GPRC5B: variants seen among roughly 807,000 people sequenced by gnomAD.
GPRC5B encodes the protein G protein-coupled receptor class C group 5 member B, also known as G protein-coupled receptor family C group 5 member B.
GPRC5B carries 16 observed loss-of-function variants against 30.1 expected under a neutral mutation model. The observed-to-expected ratio is 0.53, with a 90% CI of 0.36 to 0.81. The LOEUF is 0.81. Among genes scored for constraint, GPRC5B ranks in the 30% least tolerant of loss-of-function variants. The pLI is 0.01. For synonymous variants in GPRC5B, 241 were observed against 239.5 expected (o/e 1.01, Z -0.06); for missense variants, 428 against 544.7 (o/e 0.79, Z 2.13).
At chr16:19,869,333 C>CAA (rs35252104) in intron 2 of GPRC5B, among the ~76,000 whole-genome samples, 2,750 of 61,900 alleles carry the variant, frequency 0.044, 153 homozygotes, top group African/African-American at 0.16. Context: ...GACTCTGCCT[C>CAA]AAAAAAAAAA....
Position 19,858,337 on chromosome 16 carries a change from C to T in GPRC5B, c.*2163G>A, listed in dbSNP as rs890946000. 2.3e-6 allele frequency: 1 copy of T among 442,036 alleles called. No homozygotes were observed. Among genetic ancestry groups the T allele is most frequent in the Non-Finnish European group, 4.0e-6 (1 of 249,692 alleles). 27.4% of individuals were successfully genotyped at this position (442,036 alleles called of 1,614,324 possible). ...CAGATTTAAAAGGGGGGAAAAAGGTCTCATTAAATGAGGCTTCCCATGGCT... is the reference window on the plus strand; with the variant it reads ...CAGATTTAAAAGGGGGGAAAAAGGTTTCATTAAATGAGGCTTCCCATGGCT... On this transcript the variant is annotated 3_prime_UTR_variant, in exon 4 of 4. Transcript: ENST00000300571.
chr16:19,883,725 A>C (rs1597638199), intron 1 of GPRC5B, among the ~76,000 whole-genome samples: 2 of 152,254 alleles, frequency 1.3e-5, no homozygotes, highest in Admixed American at 1.3e-4. Context: ...TCCGCGCTCC[A>C]AGGAGCCGCC....
At position 19,857,298 on chromosome 16, in the gene GPRC5B, G is replaced by C. The variant is rs2056574169; in HGVS notation, c.*3202C>G. ...TTTGACAAGCTACCACACGTCTTAA[G>C]TAAATAGTAAAGCCTTTATTTTTGT... On this transcript the variant is annotated 3_prime_UTR_variant, in exon 4 of 4. Coordinates refer to ENST00000300571, the MANE Select transcript of GPRC5B (RefSeq NM_016235.3). 8.4e-6 allele frequency: 3 copies of C among 356,812 alleles called. No individual in the cohort carries two copies. The highest frequency in any genetic ancestry group is 6.6e-5 in the South Asian group (3 of 45,410). 22.1% of individuals were successfully genotyped at this position (356,812 alleles called of 1,614,324 possible).
chr16:19,867,903 A>G (rs2056679880), intron 2 of GPRC5B, among the ~76,000 whole-genome samples: 1 of 151,786 alleles, frequency 6.6e-6, no homozygotes, highest in Non-Finnish European at 1.5e-5. Flanking sequence ...TACAAAAATT[A>G]GCCGGGTGTG....
rs918943315 is a variant in GPRC5B at position 19,858,210 on chromosome 16, C to T, written c.*2290G>A. 2 of 331,620 alleles carry T rather than the reference C, an allele frequency of 6.0e-6. No individual in the cohort carries two copies. The highest frequency in any genetic ancestry group is 4.2e-5 in the African/African-American group (2 of 47,300). 20.5% of individuals were successfully genotyped at this position (331,620 alleles called of 1,614,324 possible). On this transcript the variant is annotated 3_prime_UTR_variant, in exon 4 of 4. Transcript: ENST00000300571. The stretch of plus-strand genomic sequence containing the variant: ...CATTAGAAAAAGAACAGCTCTCTCC[C>T]TTCTCCTCTCACTCCCGCCTCCGCC...
chr16:19,884,150 A>G (rs1421404657), intron 1 of GPRC5B, among the ~76,000 whole-genome samples: 1 of 66,738 alleles, frequency 1.5e-5, no homozygotes, highest in African/African-American at 5.7e-5. Context: ...TCCCCAGCCC[A>G]GGTCTCAGCT....
Position 19,857,357 on chromosome 16 carries a change from T to C in GPRC5B, c.*3143A>G. On this transcript the variant is annotated 3_prime_UTR_variant, in exon 4 of 4. Transcript: ENST00000300571. ...CAGCATTTTGAAAATAAAACCTATCTGCCCATGGTTTACAGCCTTTTAAAT... is the reference window on the plus strand; with the variant it reads ...CAGCATTTTGAAAATAAAACCTATCCGCCCATGGTTTACAGCCTTTTAAAT... 1 of 401,038 alleles carries C rather than the reference T, an allele frequency of 2.5e-6. No individual in the cohort carries two copies. The allele number at this position is 401,038 out of a possible 1,614,324, so 24.8% of individuals were successfully genotyped here.
At chr16:19,882,953 CTT>C (rs2056818450) in intron 1 of GPRC5B, among the ~76,000 whole-genome samples, 1 of 152,178 alleles carries the variant, frequency 6.6e-6, no homozygotes, top group African/African-American at 2.4e-5. Context: ...GAGGGCCCCT[CTT>C]CTAGCTGGGC....
Position 19,872,467 on chromosome 16 carries a change from A to T in GPRC5B, c.379T>A (p.Phe127Ile). 2 of 1,614,006 alleles carry T rather than the reference A, an allele frequency of 1.2e-6. No individual in the cohort carries two copies. Among genetic ancestry groups the T allele is most frequent in the Non-Finnish European group, 1.7e-6 (2 of 1,179,920 alleles). ...EDETICSVRR[F>I]LWGVLFALCF... Reference sequence around the variant, plus strand: ...AGCGCAAAGAGGACGCCCCAGAGGAAGCGGCGGACAGAGCAGATGGTCTCG... The same window carrying T: ...AGCGCAAAGAGGACGCCCCAGAGGATGCGGCGGACAGAGCAGATGGTCTCG... Residue 127 changes from phenylalanine (F) to isoleucine (I), a missense_variant, in exon 2 of 4, where the codon TTC becomes ATC. Coordinates refer to ENST00000300571, the MANE Select transcript of GPRC5B (RefSeq NM_016235.3). The surrounding 1 kb of genome is among the most constrained non-coding windows in gnomAD (Gnocchi z 5.0).
In GPRC5B at chr16:19,871,862, C is replaced by T. The variant is rs1164632618; in HGVS notation, c.984G>A (p.Arg328=). ...TAFEEDVQLP[R]AYMENKAFSM... ...AGAAGGCCTTGTTCTCCATATAGGC[C>T]CGCGGCAGCTGCACGTCCTCCTCGA... Residue 328 remains arginine (R), a synonymous_variant, in exon 2 of 4, where the codon CGG becomes CGA. Transcript: ENST00000300571. 3 of 1,613,924 alleles carry T rather than the reference C, an allele frequency of 1.9e-6. No homozygotes were observed. Among genetic ancestry groups the T allele is most frequent in the African/African-American group, 2.7e-5 (2 of 74,912 alleles).
At chr16:19,873,882 C>T (rs59385154) in intron 1 of GPRC5B, among the ~76,000 whole-genome samples, 12,516 of 152,146 alleles carry the variant, frequency 0.082, 765 homozygotes, top group East Asian at 0.32. Context: ...CAGGTTCAAA[C>T]GATTCTCCTG....
At chr16:19,875,473 G>A (rs1250778960) in intron 1 of GPRC5B, among the ~76,000 whole-genome samples, 1 of 152,198 alleles carries the variant, frequency 6.6e-6, no homozygotes, top group Non-Finnish European at 1.5e-5. Context: ...TTTATCTCCA[G>A]ACATTTTTAA....
chr16:19,879,496 A>AGGTGGAGGAACAGC (rs2056786650), intron 1 of GPRC5B, among the ~76,000 whole-genome samples: 1 of 149,662 alleles, frequency 6.7e-6, no homozygotes, highest in African/African-American at 2.4e-5. Flanking sequence ...AGCAGCTAGC[A>AGGTGGAGGAACAGC]GGTGGAGGAA....
chr16:19,876,075 A>T (rs1790183876), intron 1 of GPRC5B, among the ~76,000 whole-genome samples: 2 of 152,230 alleles, frequency 1.3e-5, no homozygotes, highest in South Asian at 4.1e-4. Context: ...GCAATGCTGC[A>T]AGCAGCCTCT....
At chr16:19,884,332 C>T (rs1175250432) in intron 1 of GPRC5B, among the ~76,000 whole-genome samples, 1 of 151,434 alleles carries the variant, frequency 6.6e-6, no homozygotes, top group Non-Finnish European at 1.5e-5. Flanking sequence ...CCCAACGCGG[C>T]CCCAGGACCA....
At chr16:19,885,008 C>A, upstream of GPRC5B, 1 of 551,698 alleles carries the variant, frequency 1.8e-6, no homozygotes, top group Non-Finnish European at 2.4e-6. The surrounding 1 kb of genome is among the most constrained non-coding windows in gnomAD (Gnocchi z 5.3). Flanking sequence ...GGCTAGGCGC[C>A]GTCTGCATGC....
rs982315301 is a variant in GPRC5B, at chr16:19,872,132, G to A, written c.714C>T (p.Ile238=). Residue 238 remains isoleucine (I), a synonymous_variant, in exon 2 of 4, where the codon ATC becomes ATT. Transcript: ENST00000300571. This position sits in a 1 kb window ranked among gnomAD's most constrained non-coding sequence, Gnocchi z 5.0. ...AGATGAGCACAGAGAGGAAGGCTGT[G>A]ATGAGGAGGAAGGCCCCGTTCAGCT... is the stretch of plus-strand genomic sequence containing the variant. The part of the protein sequence containing the change: ...RWKLNGAFLL[I]TAFLSVLIWV... 1 of 1,614,098 alleles carries A rather than the reference G, an allele frequency of 6.2e-7. No homozygotes were observed. Among genetic ancestry groups the A allele is most frequent in the Non-Finnish European group, 8.5e-7 (1 of 1,179,970 alleles).
At chr16:19,868,995 T>G (rs544236225) in intron 2 of GPRC5B, among the ~76,000 whole-genome samples, 1 of 152,180 alleles carries the variant, frequency 6.6e-6, no homozygotes, top group East Asian at 1.9e-4. Flanking sequence ...TTTACCTCAT[T>G]AGGTGGTAGT....
intron 1 of GPRC5B, among the ~76,000 whole-genome samples, chr16:19,881,959 T>C (rs2056810806): frequency 6.6e-6 from 1 of 152,178 alleles, no homozygotes; most frequent in Non-Finnish European, 1.5e-5. Flanking sequence ...CCCTCACGTG[T>C]GGCAGAGGCT....
Sources: allele counts gnomAD v4.1 joint callset (sites outside exome capture counted in the v4.1 genomes callset), GRCh38; gene constraint gnomAD v4.1.1; non-coding constraint Gnocchi (gnomAD v3.1); transcripts MANE v1.5; gene names NCBI Gene and HGNC (gene_info 2026-07-23, HGNC 2026-07-21).